Variants in CENPF observed in about 807,000 individuals in gnomAD.
The protein encoded by CENPF is AH antigen.
In CENPF, 214 loss-of-function variants were observed where a neutral mutation model predicts 307.3. The ratio of observed to expected loss-of-function variants is 0.70; its 90% CI spans 0.62 to 0.78. The LOEUF is 0.78. Among genes scored for constraint, CENPF ranks in the 30% least tolerant of loss-of-function variants. CENPF has a pLI of 0.00. For missense variants in CENPF, 3,401 were observed against 3,483.9 expected, an observed-to-expected ratio of 0.98 and a Z score of 0.60; for synonymous variants, 1,259 against 1,270.6, an observed-to-expected ratio of 0.99 and a Z score of 0.19.
Position 214,661,755 on chromosome 1 carries a change from G to T in CENPF, c.9142-1836G>T, listed in dbSNP as rs115867958. 2.9e-3 allele frequency among the ~76,000 whole-genome samples: 446 copies of T among 152,262 alleles called. 2 individuals carry two copies. The highest frequency in any genetic ancestry group is 0.01 in the African/African-American group (428 of 41,544). On this transcript the variant is annotated intron_variant, in intron 19 of 19. Coordinates refer to ENST00000366955, the MANE Select transcript of CENPF (RefSeq NM_016343.4). ...CATCGTGGATGGTGGTGTTAGTTTTGTGGGGATCTTGCATTTTTTCCTACT... is the reference window on the plus strand; with the variant it reads ...CATCGTGGATGGTGGTGTTAGTTTTTTGGGGATCTTGCATTTTTTCCTACT...
chr1:214,605,873 G>A (rs1657013074), intron 1 of CENPF: 2 of 1,597,180 alleles, frequency 1.3e-6, no homozygotes, highest in African/African-American at 1.3e-5. Flanking sequence ...GAGCACGGGC[G>A]ACGTGATCTT....
intron 19 of CENPF, among the ~76,000 whole-genome samples, chr1:214,661,553 GAA>G (rs1172704552): frequency 6.6e-6 from 1 of 152,148 alleles, no homozygotes; most frequent in East Asian, 1.9e-4. Context: ...GTTCAAAGGG[GAA>G]AAAACTGGCA....
intron 12 of CENPF, 122 bp from the exon 13 acceptor site, chr1:214,644,435 A>G (rs997790445): frequency 2.3e-6 from 2 of 870,760 alleles, no homozygotes; most frequent in African/African-American, 3.4e-5. Context: ...GAAATTCACC[A>G]CTTTAAGAGA....
At chr1:214,618,811 A>G in intron 4 of CENPF, 117 bp downstream of exon 4, 2 of 999,480 alleles carry the variant, frequency 2.0e-6, no homozygotes, top group East Asian at 5.3e-5. Context: ...ATGTTTAAAA[A>G]CTGCAGCCAC....
In CENPF at chr1:214,630,681, T is replaced by A; in HGVS notation, c.1323+19T>A. On this transcript the variant is annotated intron_variant, in intron 9 of 19. Coordinates refer to ENST00000366955, the MANE Select transcript of CENPF (RefSeq NM_016343.4). ...GGATAAAGTAGGGGCCGTGTCTCTC[T>A]CTCTCTCCTTAATCATCCCCTCTTG... The A allele has an allele frequency of 6.2e-7, 1 of 1,613,258 alleles. No homozygotes were observed. The highest frequency in any genetic ancestry group is 8.5e-7 in the Non-Finnish European group (1 of 1,179,542).
intron 7 of CENPF, among the ~76,000 whole-genome samples, chr1:214,626,224 T>C (rs1188853276): frequency 6.6e-6 from 1 of 152,226 alleles, no homozygotes; most frequent in Admixed American, 6.5e-5. Flanking sequence ...GGGTATAGGA[T>C]TCTGTGTTGA....
chr1:214,613,956 T>C, intron 2 of CENPF, 40 bp downstream of exon 2: 2 of 1,551,058 alleles, frequency 1.3e-6, no homozygotes, highest in Non-Finnish European at 1.7e-6. Flanking sequence ...GTTCACTCAT[T>C]ATTGACAGAG....
intron 1 of CENPF, chr1:214,608,906 G>A (rs1571691479): frequency 5.1e-6 from 7 of 1,380,914 alleles, no homozygotes; most frequent in East Asian, 6.0e-5. Context: ...GGCCTGGCCC[G>A]GCAGGGGAGG....
chr1:214,658,860 C>T lies in CENPF; in HGVS notation c.8973C>T (p.Asp2991=). 1.2e-6 allele frequency: 2 copies of T among 1,614,004 alleles called. No individual in the cohort carries two copies. The highest frequency in any genetic ancestry group is 1.7e-6 in the Non-Finnish European group (2 of 1,179,942). The change falls in exon 19 of 20, where the codon GAC becomes GAT. Residue 2991 remains aspartate, a synonymous_variant. Coordinates refer to ENST00000366955, the MANE Select transcript of CENPF (RefSeq NM_016343.4). ...LPEVVKKGFA[D]IPTGKTSPYI... ...TTTTTTTGCCCTTAGGGTTTGCTGACATCCCGACAGGAAAGACTAGCCCAT... is the reference window on the plus strand; with the variant it reads ...TTTTTTTGCCCTTAGGGTTTGCTGATATCCCGACAGGAAAGACTAGCCCAT...
chr1:214,645,369 A>G lies in CENPF; in HGVS notation c.5799A>G (p.Leu1933=), dbSNP rs202213228. The change falls in exon 13 of 20, where the codon CTA becomes CTG. Residue 1933 remains leucine (L), a synonymous_variant. Transcript: ENST00000366955. The part of the protein sequence containing the change: ...ADLEVVQTEK[L]CLEKDNENKQ... ...TAGAGGTAGTTCAAACAGAGAAGCT[A>G]TGTTTAGAAAAAGACAATGAAAATA... 2 of 1,614,136 alleles carry G rather than the reference A, an allele frequency of 1.2e-6. No individual in the cohort carries two copies. Among genetic ancestry groups the G allele is most frequent in the Non-Finnish European group, 1.7e-6 (2 of 1,180,010 alleles).
Position 214,642,791 on chromosome 1 carries a change from T to G in CENPF, c.4453T>G (p.Ser1485Ala). ...SLSSSCVPDS[S>A]SLSSLGDSSF... ...GTCATCCTCTTGTGTGCCTGACAGC[T>G]CTAGTCTTAGCAGTTTGGGAGACTC... Residue 1485 changes from serine to alanine, a missense_variant, in exon 12 of 20, where the codon TCT becomes GCT. Physicochemically the swap from Ser to Ala is moderately conservative, Grantham distance 99 (BLOSUM62 1). Coordinates refer to ENST00000366955, the MANE Select transcript of CENPF (RefSeq NM_016343.4). The G allele has an allele frequency of 6.2e-7, 1 of 1,613,984 alleles. No individual in the cohort carries two copies. Among genetic ancestry groups the G allele is most frequent in the Non-Finnish European group, 8.5e-7 (1 of 1,179,968 alleles).
intron 2 of CENPF, 87 bp from the exon 3 acceptor site, chr1:214,614,745 T>C: frequency 1.3e-6 from 1 of 799,754 alleles, no homozygotes; most frequent in South Asian, 2.4e-5. Context: ...AGGAATTTAG[T>C]AGTCAATGTT....
intron 15 of CENPF, among the ~76,000 whole-genome samples, chr1:214,652,258 A>G (rs537458167): frequency 1.3e-5 from 2 of 150,798 alleles, no homozygotes; most frequent in Non-Finnish European, 3.0e-5. Flanking sequence ...GATGGTCTCG[A>G]TCTCCTGATC....
chr1:214,612,957 AT>A, intron 1 of CENPF: 1 of 236,822 alleles, frequency 4.2e-6, no homozygotes, highest in South Asian at 7.2e-5. Flanking sequence ...TTTCTTTTTG[AT>A]TAACTGCTGT....
intron 1 of CENPF, chr1:214,608,452 A>G: frequency 6.2e-7 from 1 of 1,613,274 alleles, no homozygotes; most frequent in Non-Finnish European, 8.5e-7. Flanking sequence ...GCCAATGTAG[A>G]AGCTGCTCAT....
Position 214,643,111 on chromosome 1 carries a change from A to T in CENPF, c.4773A>T (p.Glu1591Asp). Residue 1591 changes from glutamate (E) to aspartate (D), a missense_variant, in exon 12 of 20, where the codon GAA (glutamate) becomes GAT (aspartate). Physicochemically the swap from Glu to Asp is conservative, Grantham distance 45. Coordinates refer to ENST00000366955, the MANE Select transcript of CENPF (RefSeq NM_016343.4). ...AGCTCGAGCAGTTATTAAGTTCTGA[A>T]AGGCAAGAGCTTGACTGCCTTAGGA... ...IQELEQLLSS[E>D]RQELDCLRKQ... 1 of 1,603,856 alleles carries T rather than the reference A, an allele frequency of 6.2e-7. No homozygotes were observed. The highest frequency in any genetic ancestry group is 8.5e-7 in the Non-Finnish European group (1 of 1,177,146).
intron 7 of CENPF, among the ~76,000 whole-genome samples, chr1:214,628,635 C>T (rs973614580): frequency 6.6e-6 from 1 of 152,080 alleles, no homozygotes; most frequent in African/African-American, 2.4e-5. Context: ...GTAGAGACGG[C>T]GTTTCACCAT....
chr1:214,656,878 T>G, intron 17 of CENPF, 55 bp from the exon 18 acceptor site: 1 of 1,174,500 alleles, frequency 8.5e-7, no homozygotes, highest in Non-Finnish European at 1.2e-6. Context: ...ACGATGCCCA[T>G]TGTTAACTAG....
chr1:214,620,664 C>T lies in CENPF; in HGVS notation c.583C>T (p.Gln195Ter), dbSNP rs763067031. 1 of 1,612,210 alleles carries T rather than the reference C, an allele frequency of 6.2e-7. No individual in the cohort carries two copies. The highest frequency in any genetic ancestry group is 1.1e-5 in the South Asian group (1 of 90,652). ...GATTCTGTTTCTACAGAAAGCAAGC[C>T]AGACTCTTCCACAAGCCACCATGAA... is the stretch of plus-strand genomic sequence containing the variant. ...VKALQAKKAS[Q>*]TLPQATMNHR... Residue 195 changes from glutamine (Q) to a stop codon, truncating the protein, a stop_gained, in exon 6 of 20, where the codon CAG (glutamine) becomes TAG (stop). Coordinates refer to ENST00000366955, the MANE Select transcript of CENPF (RefSeq NM_016343.4). LOFTEE classifies it high-confidence loss of function.
Sources: gnomAD v4.1 joint callset for allele counts (sites outside exome capture counted in the v4.1 genomes callset) on GRCh38, gnomAD v4.1.1 for gene constraint, MANE v1.5 for transcripts, NCBI Gene and HGNC (gene_info 2026-07-23, HGNC 2026-07-21) for gene names.